Variants in CCDC186 observed in about 807,000 individuals in gnomAD.
The protein encoded by CCDC186 is coiled-coil domain containing 186.
In CCDC186, 49 loss-of-function variants were observed where a neutral mutation model predicts 113.7. The observed-to-expected ratio is 0.43, with a 90% CI of 0.34 to 0.55. The LOEUF (loss-of-function observed/expected upper bound fraction) is 0.55, where lower values mean the gene tolerates loss of function less well. Ranked by LOEUF, CCDC186 falls within the 20% of genes least tolerant of loss-of-function variation. CCDC186 has a pLI of 0.02. For synonymous variants in CCDC186, 355 were observed against 345.8 expected, an observed-to-expected ratio of 1.03 and a Z score of -0.30; for missense variants, 890 against 1,011.1, an observed-to-expected ratio of 0.88 and a Z score of 1.62.
chr10:114,152,923 A>G (rs2031898264), intron 3 of CCDC186, among the ~76,000 whole-genome samples: 1 of 152,258 alleles, frequency 6.6e-6, no homozygotes, highest in African/African-American at 2.4e-5. Context: ...AGCCATCAGA[A>G]AGATCTAACA....
At chr10:114,136,276 C>T (rs1564907600) in intron 7 of CCDC186, 30 bp from the exon 8 acceptor site, 11 of 1,522,732 alleles carry the variant, frequency 7.2e-6, no homozygotes, top group Non-Finnish European at 1.0e-5. Context: ...AAAAGTGTGA[C>T]AATTTTTAAC....
rs762377689 is a variant in CCDC186, at chr10:114,132,014, A to G, written c.1826T>C (p.Leu609Ser). 6.2e-6 allele frequency: 10 copies of G among 1,613,320 alleles called. No homozygotes were observed. Among genetic ancestry groups the G allele is most frequent in the Non-Finnish European group, 8.5e-6 (10 of 1,179,666 alleles). ...GGAAACTTTATCAAATTGTGACTGC[A>G]AAGAATTGGATTCAGACTGAAGCTG... is the stretch of plus-strand genomic sequence containing the variant. ...NAQLQSESNS[L>S]QSQFDKVSCS... The change falls in exon 11 of 16, where the codon TTG (leucine) becomes TCG (serine). Residue 609 changes from leucine (L) to serine (S), a missense_variant. Coordinates refer to ENST00000369287, the MANE Select transcript of CCDC186 (RefSeq NM_018017.4).
At chr10:114,168,386 A>T (rs1176270197) in intron 1 of CCDC186, 1 of 152,232 alleles carries the variant, frequency 6.6e-6, no homozygotes, top group Non-Finnish European at 1.5e-5. Context: ...AAATGAAAAC[A>T]CTGTCTTCTG....
At chr10:114,159,167 T>C (rs1330861463) in intron 2 of CCDC186, among the ~76,000 whole-genome samples, 4 of 152,166 alleles carry the variant, frequency 2.6e-5, no homozygotes, top group Non-Finnish European at 5.9e-5. Flanking sequence ...AATATATGCA[T>C]GTTTATTCAA....
In CCDC186 at chr10:114,131,194, C is replaced by T. The variant is rs1445427841; in HGVS notation, c.2054G>A (p.Arg685His). The change falls in exon 12 of 16, where the codon CGT (arginine) becomes CAT (histidine). Residue 685 changes from arginine to histidine, a missense_variant. By Grantham distance (29) the Arg-to-His change is conservative. Transcript: ENST00000369287. Reference sequence around the variant, plus strand: ...ATCCTTGATACTAGAGGCATGTTTACGTCTCTGAGTTACTAACTCATCTTT... The same window carrying T: ...ATCCTTGATACTAGAGGCATGTTTATGTCTCTGAGTTACTAACTCATCTTT... ...ELKDELVTQR[R>H]KHASSIKDLT... 8.8e-6 allele frequency: 14 copies of T among 1,590,686 alleles called. No homozygotes were observed. Among genetic ancestry groups the T allele is most frequent in the Non-Finnish European group, 1.2e-5 (14 of 1,170,258 alleles).
Position 114,126,033 on chromosome 10 carries a change from A to G in CCDC186, c.2466T>C (p.Val822=), listed in dbSNP as rs1329839564. 1.2e-6 allele frequency: 2 copies of G among 1,614,062 alleles called. No homozygotes were observed. Among genetic ancestry groups the G allele is most frequent in the South Asian group, 2.2e-5 (2 of 91,080 alleles). Residue 822 remains valine (V), a synonymous_variant, in exon 15 of 16, where the codon GTT becomes GTC. Transcript: ENST00000369287. ...LSSEASDFNK[V]HLSRRGGIMA... is the part of the protein sequence containing the mutation. The stretch of plus-strand genomic sequence containing the variant: ...TGATGCCACCCCGTCTACTTAAATG[A>G]ACTTTGTTAAAATCAGATGCCTCTG...
At chr10:114,132,220 C>A in intron 10 of CCDC186, 36 bp from the exon 11 acceptor site, 4 of 1,390,456 alleles carry the variant, frequency 2.9e-6, no homozygotes, top group Non-Finnish European at 3.9e-6. Context: ...AAAAAATAAA[C>A]CATTAAAAGA....
chr10:114,165,042 C>T lies in CCDC186; in HGVS notation c.-61-1713G>A, dbSNP rs553255691. 5.9e-5 allele frequency among the ~76,000 whole-genome samples: 9 copies of T among 152,230 alleles called. No individual in the cohort carries two copies. In the South Asian group the frequency reaches 1.2e-3, roughly 21 times the overall value. ...TTGAGAAACATTATTCTAGGAATGTCGAAAATGGGAGGAATAAGTGTAAGA... is the reference window on the plus strand; with the variant it reads ...TTGAGAAACATTATTCTAGGAATGTTGAAAATGGGAGGAATAAGTGTAAGA... On this transcript the variant is annotated intron_variant, in intron 1 of 15. Coordinates refer to ENST00000369287, the MANE Select transcript of CCDC186 (RefSeq NM_018017.4).
intron 10 of CCDC186, among the ~76,000 whole-genome samples, chr10:114,133,273 T>C (rs1256574725): frequency 6.6e-6 from 1 of 152,064 alleles, no homozygotes. Flanking sequence ...ACTGGTTAGA[T>C]GTGTGAGGGG....
intron 4 of CCDC186, among the ~76,000 whole-genome samples, chr10:114,146,258 C>T (rs1398111027): frequency 1.3e-5 from 2 of 152,312 alleles, no homozygotes; most frequent in South Asian, 2.1e-4. Context: ...TATACAACTA[C>T]CCTCTGGGGT....
intron 4 of CCDC186, among the ~76,000 whole-genome samples, chr10:114,149,626 AG>A (rs2031763468): frequency 4.3e-4 from 1 of 2,342 alleles, no homozygotes. Context: ...AGGGAAGGAA[AG>A]GGAGGGGAGG....
At chr10:114,126,247 A>T in intron 14 of CCDC186, 142 bp from the exon 15 acceptor site, 1 of 649,194 alleles carries the variant, frequency 1.5e-6, no homozygotes, top group South Asian at 2.1e-5. Context: ...AATTCTCCTT[A>T]TTCAGATGGT....
At chr10:114,153,786 CAAA>C (rs35593370) in intron 3 of CCDC186, among the ~76,000 whole-genome samples, 7 of 61,314 alleles carry the variant, frequency 1.1e-4, no homozygotes, top group Admixed American at 1.8e-4. Context: ...AATGACGTCT[CAAA>C]AAAAAAAAAA....
chr10:114,142,426 A>G (rs1032631238), intron 6 of CCDC186, among the ~76,000 whole-genome samples: 4 of 152,254 alleles, frequency 2.6e-5, no homozygotes, highest in African/African-American at 4.8e-5. Flanking sequence ...CTAGCCGTAT[A>G]TACGTTCAGT....
At chr10:114,156,650 C>T (rs892572574) in intron 3 of CCDC186, among the ~76,000 whole-genome samples, 6 of 152,102 alleles carry the variant, frequency 3.9e-5, no homozygotes. Flanking sequence ...TCACTTGAAC[C>T]CAGGAGGCAA....
intron 4 of CCDC186, among the ~76,000 whole-genome samples, chr10:114,149,202 T>C (rs893838642): frequency 2.0e-5 from 3 of 152,204 alleles, no homozygotes; most frequent in African/African-American, 7.2e-5. Context: ...GAACATGGCT[T>C]TGCACACAGC....
intron 1 of CCDC186, among the ~76,000 whole-genome samples, chr10:114,172,941 G>A (rs1310274059): frequency 6.6e-6 from 1 of 152,116 alleles, no homozygotes; most frequent in Non-Finnish European, 1.5e-5. Context: ...GTACTTGATA[G>A]TTGGGAAAGC....
chr10:114,167,664 A>C (rs2032375038), intron 1 of CCDC186, among the ~76,000 whole-genome samples: 1 of 151,980 alleles, frequency 6.6e-6, no homozygotes, highest in Non-Finnish European at 1.5e-5. Flanking sequence ...TGGCAAGATT[A>C]TTTTAATTTA....
chr10:114,157,178 A>ATTTTTTT (rs34377537), intron 3 of CCDC186, among the ~76,000 whole-genome samples: 2 of 121,190 alleles, frequency 1.7e-5, no homozygotes, highest in Admixed American at 8.9e-5. Context: ...AGTTTTCAGA[A>ATTTTTTT]TTTTTTTTTT....
Sources: allele counts gnomAD v4.1 joint callset (sites outside exome capture counted in the v4.1 genomes callset), GRCh38; gene constraint gnomAD v4.1.1; transcripts MANE v1.5; gene names NCBI Gene and HGNC (gene_info 2026-07-23, HGNC 2026-07-21).